Variants in NARF observed in about 807,000 individuals in gnomAD.
NARF encodes the protein nuclear prelamin A recognition factor.
NARF carries 41 observed loss-of-function variants against 48.0 expected under a neutral mutation model. The ratio of observed to expected loss-of-function variants is 0.85; its 90% confidence interval spans 0.66 to 1.11. The LOEUF is 1.11. NARF is among the 50% of genes least tolerant of loss of function. NARF has a pLI of 0.00. For synonymous variants in NARF, 215 were observed against 225.5 expected, an observed-to-expected ratio of 0.95 and a Z score of 0.42; for missense variants, 613 against 590.2, an observed-to-expected ratio of 1.04 and a Z score of -0.40.
intron 6 of NARF, among the ~76,000 whole-genome samples, chr17:82,479,564 G>A (rs1377359149): frequency 6.6e-6 from 1 of 152,156 alleles, no homozygotes; most frequent in Admixed American, 6.5e-5. Flanking sequence ...CCCTCAAAGG[G>A]ACCCTAATCC....
At chr17:82,459,148 G>C in intron 1 of NARF, 1 of 1,145,878 alleles carries the variant, frequency 8.7e-7, no homozygotes, top group Non-Finnish European at 1.1e-6. Context: ...TGGCGGGAAT[G>C]ATCAGAAGCG....
At chr17:82,475,972 G>A (rs2043823464) in intron 5 of NARF, among the ~76,000 whole-genome samples, 1 of 152,230 alleles carries the variant, frequency 6.6e-6, no homozygotes, top group South Asian at 2.1e-4. Flanking sequence ...CTCAACATAA[G>A]CTCCATCCTG....
In NARF at chr17:82,485,028, G is replaced by A. The variant is rs1420878832; in HGVS notation, c.971+78G>A. On this transcript the variant is annotated intron_variant, in intron 9 of 10. Coordinates refer to ENST00000309794, the MANE Select transcript of NARF (RefSeq NM_012336.4). ...GGTGTGCCTGTATGGATCTGTGCAT[G>A]TGGCGGTTCTATGGATGGAGTTTAC... 5.5e-6 allele frequency: 8 copies of A among 1,463,288 alleles called. No individual in the cohort carries two copies. In the African/African-American group the frequency reaches 5.7e-5, roughly 10 times the overall value. The allele number at this position is 1,463,288 out of a possible 1,614,324, so 90.6% of individuals were successfully genotyped here.
chr17:82,458,779 C>G lies in NARF; in HGVS notation c.-25C>G. 1 of 1,461,522 alleles carries G rather than the reference C, an allele frequency of 6.8e-7. No individual in the cohort carries two copies. The highest frequency in any genetic ancestry group is 2.0e-4 in the Middle Eastern group (1 of 4,990). 90.5% of individuals were successfully genotyped at this position (1,461,522 alleles called of 1,614,324 possible). A position where few individuals can be genotyped will look rare whatever the true frequency, so the allele number is the denominator to read the frequency against. On this transcript the variant is annotated 5_prime_UTR_variant, in exon 1 of 11. Coordinates refer to ENST00000309794, the MANE Select transcript of NARF (RefSeq NM_012336.4). Reference sequence around the variant, plus strand: ...GGTGCTTCCCTGAGGCTGAGGCGCCCGGCCTCCCGCCCGCCGCGCTCCAGA... The same window carrying G: ...GGTGCTTCCCTGAGGCTGAGGCGCCGGGCCTCCCGCCCGCCGCGCTCCAGA...
chr17:82,462,204 G>A (rs2043455652), intron 2 of NARF, among the ~76,000 whole-genome samples: 1 of 152,214 alleles, frequency 6.6e-6, no homozygotes, highest in South Asian at 2.1e-4. Context: ...GAGGAGTTGG[G>A]TTGGGGTTAA....
At chr17:82,458,457 C>T (rs2043338490), upstream of NARF, 1 of 276,372 alleles carries the variant, frequency 3.6e-6, no homozygotes, top group South Asian at 9.4e-5. Context: ...GCCGCCGCCG[C>T]AGGACCCACG....
At position 82,473,502 on chromosome 17, in the gene NARF, C is replaced by T. The variant is rs183108184; in HGVS notation, c.520+804C>T. 3.7e-3 allele frequency among the ~76,000 whole-genome samples: 556 copies of T among 152,176 alleles called. 2 individuals are homozygous for T. Among genetic ancestry groups the T allele is most frequent in the Non-Finnish European group, 5.9e-3 (401 of 68,014 alleles). On this transcript the variant is annotated intron_variant, in intron 5 of 10. Coordinates refer to ENST00000309794, the MANE Select transcript of NARF (RefSeq NM_012336.4). ...TAGCTGGGACTACAGGCGCCTGCCA[C>T]CACACCCGGCTAATTTCTTTTTGTA...
At chr17:82,470,640 G>A (rs1170323054) in intron 4 of NARF, among the ~76,000 whole-genome samples, 12 of 151,918 alleles carry the variant, frequency 7.9e-5, no homozygotes, top group Non-Finnish European at 1.0e-4. Flanking sequence ...GACTACAGGC[G>A]CCCGCCACCA....
At chr17:82,459,853 C>T (rs78720068) in intron 1 of NARF, 139 bp from the exon 2 acceptor site, 9 of 654,650 alleles carry the variant, frequency 1.4e-5, no homozygotes, top group East Asian at 6.4e-5. Context: ...TGGGTGAGAG[C>T]GAGACTCCGT....
rs535157305 is a variant in NARF, at chr17:82,484,896, C to T, written c.917C>T (p.Ala306Val). Residue 306 changes from alanine (A) to valine (V), a missense_variant, in exon 9 of 11, where the codon GCG becomes GTG. Physicochemically the swap from Ala to Val is moderately conservative, Grantham distance 64 (BLOSUM62 0). Transcript: ENST00000309794. ...CACCTGGCACACATCTTCAGACATG[C>T]GGCCAAGGAGCTGTTCAACGAGGAT... ...DGHLAHIFRH[A>V]AKELFNEDVE... 2.1e-5 allele frequency: 34 copies of T among 1,613,086 alleles called. No homozygotes were observed. In the South Asian group the frequency reaches 3.2e-4, roughly 15 times the overall value.
chr17:82,460,146 G>A, intron 2 of NARF, 74 bp downstream of exon 2: 1 of 1,264,424 alleles, frequency 7.9e-7, no homozygotes, highest in Non-Finnish European at 1.1e-6. Flanking sequence ...GGGGCTCACA[G>A]CACCGTGCAC....
chr17:82,485,299 T>C (rs1348296667), intron 9 of NARF, among the ~76,000 whole-genome samples, 198 bp from the exon 10 acceptor site: 2 of 151,924 alleles, frequency 1.3e-5, no homozygotes, highest in Non-Finnish European at 2.9e-5. Context: ...TGAGCGCCTA[T>C]AGTCCCAGCT....
rs1376444713 is a variant in NARF, at chr17:82,485,664, C to T, written c.1129+10C>T. ...CTCGCCTGTGCTGGAGGTGAGGCGC[C>T]AAGAGCAGCACCTGGCTCTGTCTCC... On this transcript the variant is annotated intron_variant, in intron 10 of 10. Coordinates refer to ENST00000309794, the MANE Select transcript of NARF (RefSeq NM_012336.4). 6.2e-7 allele frequency: 1 copy of T among 1,613,632 alleles called. No individual in the cohort carries two copies. The highest frequency in any genetic ancestry group is 8.5e-7 in the Non-Finnish European group (1 of 1,179,786).
At chr17:82,480,289 G>GCGCACA (rs373361009) in intron 6 of NARF, 2 of 377,362 alleles carry the variant, frequency 5.3e-6, no homozygotes, top group South Asian at 1.4e-4. Context: ...GCCAGCGCGC[G>GCGCACA]CACACACACA....
intron 3 of NARF, 41 bp from the exon 4 acceptor site, chr17:82,468,723 G>A: frequency 6.2e-7 from 1 of 1,604,660 alleles, no homozygotes; most frequent in Non-Finnish European, 8.5e-7. Flanking sequence ...TACTCCTTGT[G>A]TAATCAGCAG....
intron 5 of NARF, among the ~76,000 whole-genome samples, chr17:82,478,316 A>G (rs1345729617): frequency 6.6e-6 from 1 of 152,208 alleles, no homozygotes; most frequent in Non-Finnish European, 1.5e-5. Flanking sequence ...TGAGGAGTAT[A>G]GATTTCTTAT....
At chr17:82,472,942 T>A (rs1599835839) in intron 5 of NARF, among the ~76,000 whole-genome samples, 1 of 151,514 alleles carries the variant, frequency 6.6e-6, no homozygotes, top group Non-Finnish European at 1.5e-5. Flanking sequence ...TTATTTTATT[T>A]TTATTATTTT....
intron 3 of NARF, among the ~76,000 whole-genome samples, chr17:82,464,654 G>A (rs561667359): frequency 6.6e-6 from 1 of 152,342 alleles, no homozygotes; most frequent in South Asian, 2.1e-4. Flanking sequence ...AGTGGTGGGG[G>A]GCTGGCATCA....
chr17:82,485,290 G>A (rs2044071562), intron 9 of NARF, among the ~76,000 whole-genome samples: 1 of 152,098 alleles, frequency 6.6e-6, no homozygotes, highest in Non-Finnish European at 1.5e-5. Flanking sequence ...GTGTGGTGGT[G>A]AGCGCCTATA....
Sources: gnomAD v4.1 joint callset for allele counts (sites outside exome capture counted in the v4.1 genomes callset) on GRCh38, gnomAD v4.1.1 for gene constraint, MANE v1.5 for transcripts, NCBI Gene and HGNC (gene_info 2026-07-23, HGNC 2026-07-21) for gene names.